The following ETNK1 variants were observed in gnomAD, a reference collection of about 807,000 sequenced individuals.
ETNK1 encodes putative protein product of Nbla10396.
In ETNK1, 8 loss-of-function variants were observed where a neutral mutation model predicts 45.1. That is an observed-to-expected ratio of 0.18 (90% confidence interval 0.10 to 0.32). The LOEUF is 0.32. ETNK1 is among the 10% of genes least tolerant of loss of function. ETNK1 has a pLI of 1.00. For missense variants in ETNK1, 302 were observed against 430.6 expected, an observed-to-expected ratio of 0.70 and a Z score of 2.64; for synonymous variants, 152 against 151.9, an observed-to-expected ratio of 1.00 and a Z score of -0.01.
chr12:22,656,037 A>G (rs769642369), intron 2 of ETNK1, among the ~76,000 whole-genome samples: 1 of 152,204 alleles, frequency 6.6e-6, no homozygotes, highest in Non-Finnish European at 1.5e-5. Flanking sequence ...ATTAGTTAAT[A>G]CTTTCTCTTC....
chr12:22,651,916 C>A (rs938369544), intron 2 of ETNK1, among the ~76,000 whole-genome samples: 2 of 152,042 alleles, frequency 1.3e-5, no homozygotes, highest in Non-Finnish European at 2.9e-5. Context: ...GAACTCCAGA[C>A]CTCAGGTGAT....
intron 1 of ETNK1, among the ~76,000 whole-genome samples, chr12:22,628,744 CTA>C (rs1953536800): frequency 6.6e-6 from 1 of 152,042 alleles, no homozygotes; most frequent in Non-Finnish European, 1.5e-5. Flanking sequence ...TAACTTGTCA[CTA>C]TGAATTTTTC....
intron 2 of ETNK1, among the ~76,000 whole-genome samples, chr12:22,649,731 A>G (rs1026287740): frequency 1.3e-5 from 2 of 152,098 alleles, no homozygotes; most frequent in East Asian, 1.9e-4. Context: ...TAGTTTTTAC[A>G]TTTTAAAATG....
At chr12:22,625,932 G>C (rs2137505614) in intron 1 of ETNK1, 1 of 554,560 alleles carries the variant, frequency 1.8e-6, no homozygotes, top group East Asian at 4.3e-5. Flanking sequence ...CCCCTTGCAC[G>C]GGGTCCTCGT....
Position 22,671,288 on chromosome 12 carries a change from T to C in ETNK1, c.717T>C (p.Ile239=), listed in dbSNP as rs1268041482. The C allele has an allele frequency of 2.5e-6, 4 of 1,608,950 alleles. No individual in the cohort carries two copies. Among genetic ancestry groups the C allele is most frequent in the Non-Finnish European group, 3.4e-6 (4 of 1,175,752 alleles). Residue 239 remains isoleucine, a synonymous_variant, in exon 5 of 8, where the codon ATT becomes ATC. Coordinates refer to ENST00000266517, the MANE Select transcript of ETNK1 (RefSeq NM_018638.5). The stretch of plus-strand genomic sequence containing the variant: ...CTCACATAGGTGATGTACAGTTCAT[T>C]GATTATGAATATTCTGGATACAACT... ...YNEKQGDVQF[I]DYEYSGYNYL...
intron 6 of ETNK1, among the ~76,000 whole-genome samples, chr12:22,678,313 A>G (rs1257085870): frequency 1.3e-5 from 2 of 152,252 alleles, no homozygotes; most frequent in African/African-American, 2.4e-5. Flanking sequence ...AAAGAAAATC[A>G]GGTAAGGCTT....
intron 1 of ETNK1, among the ~76,000 whole-genome samples, chr12:22,637,916 G>C (rs190724722): frequency 6.6e-6 from 1 of 152,232 alleles, no homozygotes; most frequent in Admixed American, 6.5e-5. Context: ...AGTCTTATAA[G>C]AAGTCTCAGA....
intron 1 of ETNK1, among the ~76,000 whole-genome samples, chr12:22,634,586 T>G (rs1014835698): frequency 6.6e-6 from 1 of 152,228 alleles, no homozygotes. Flanking sequence ...GTATTAATCT[T>G]TTCAAAGAAC....
At chr12:22,678,529 G>T (rs4963827) in intron 6 of ETNK1, among the ~76,000 whole-genome samples, 2 of 151,996 alleles carry the variant, frequency 1.3e-5, no homozygotes, top group African/African-American at 4.8e-5. Context: ...TACAAAGATA[G>T]TTTTTTCCCC....
At chr12:22,667,787 A>G (rs1954068422) in intron 4 of ETNK1, among the ~76,000 whole-genome samples, 1 of 152,200 alleles carries the variant, frequency 6.6e-6, no homozygotes, top group South Asian at 2.1e-4. Flanking sequence ...GAATTCAGAC[A>G]AACATGTCAT....
chr12:22,672,411 A>ACTGGGAAATACT, intron 5 of ETNK1, among the ~76,000 whole-genome samples: 1 of 152,166 alleles, frequency 6.6e-6, no homozygotes, highest in Admixed American at 6.5e-5. Context: ...AGATTACCAG[A>ACTGGGAAATACT]CTGGGAAATA....
intron 2 of ETNK1, among the ~76,000 whole-genome samples, chr12:22,644,755 T>A (rs1953785208): frequency 6.6e-6 from 1 of 152,006 alleles, no homozygotes; most frequent in Non-Finnish European, 1.5e-5. Context: ...ATCATTGTGA[T>A]GAAATTATCA....
chr12:22,684,414 A>C, intron 6 of ETNK1, 69 bp from the exon 7 acceptor site: 1 of 1,037,320 alleles, frequency 9.6e-7, no homozygotes, highest in Non-Finnish European at 1.5e-6. Flanking sequence ...GGATAGAATT[A>C]GCAATTCATA....
chr12:22,636,473 C>G (rs1463414221), intron 1 of ETNK1, among the ~76,000 whole-genome samples: 1 of 152,102 alleles, frequency 6.6e-6, no homozygotes, highest in Non-Finnish European at 1.5e-5. Context: ...TTTATATCTT[C>G]TTGGTGGATC....
chr12:22,664,412 T>C (rs1178974098), intron 4 of ETNK1, among the ~76,000 whole-genome samples: 1 of 151,954 alleles, frequency 6.6e-6, no homozygotes, highest in Non-Finnish European at 1.5e-5. Flanking sequence ...AGAGATTAAT[T>C]TAGATTAATT....
chr12:22,644,202 T>C (rs1953776568), intron 2 of ETNK1, 180 bp downstream of exon 2: 2 of 1,586,254 alleles, frequency 1.3e-6, no homozygotes, highest in South Asian at 2.4e-5. Flanking sequence ...AATTTCTTTA[T>C]ATTTGCAGTT....
Position 22,625,543 on chromosome 12 carries a change from A to T in ETNK1, c.113A>T (p.Gln38Leu). The T allele has an allele frequency of 6.2e-7, 1 of 1,604,938 alleles. No individual in the cohort carries two copies. Among genetic ancestry groups the T allele is most frequent in the Non-Finnish European group, 8.5e-7 (1 of 1,176,342 alleles). ...CGGGAGGGGGCCCTGAGCCTCCTGC[A>T]ACACCTGCGGCCTCACTGGGACCCC... Reference protein sequence around the residue: ...RCREGALSLLQHLRPHWDPQE... With the variant: ...RCREGALSLLLHLRPHWDPQE... The change falls in exon 1 of 8, where the codon CAA becomes CTA. Residue 38 changes from glutamine to leucine, a missense_variant. By Grantham distance (113) the Gln-to-Leu change is moderately radical (BLOSUM62 -2). This residue lies in a region of ETNK1 where 205 missense variants were observed against 259.9 expected (regional missense o/e 0.79). Coordinates refer to ENST00000266517, the MANE Select transcript of ETNK1 (RefSeq NM_018638.5).
At chr12:22,627,573 A>G (rs1953519127) in intron 1 of ETNK1, among the ~76,000 whole-genome samples, 1 of 152,126 alleles carries the variant, frequency 6.6e-6, no homozygotes, top group Admixed American at 6.5e-5. Flanking sequence ...CACTACTTTC[A>G]TAATGGTTCA....
rs918231139 is a variant in ETNK1, at chr12:22,690,574, C to T, written c.*5620C>T. ...TATTTCTGTTAATAAGGCTTTTTAC[C>T]ATTGATTAAATGAAGGAATGTATCT... On this transcript the variant is annotated 3_prime_UTR_variant, in exon 8 of 8. Transcript: ENST00000266517. 2.0e-5 allele frequency: 3 copies of T among 152,326 alleles called. No homozygotes were observed. Among genetic ancestry groups the T allele is most frequent in the Non-Finnish European group, 4.4e-5 (3 of 67,890 alleles). 9.4% of individuals were successfully genotyped at this position (152,326 alleles called of 1,614,324 possible). A position where few individuals can be genotyped will look rare whatever the true frequency, so the allele number is the denominator to read the frequency against.
Sources: gnomAD v4.1 joint callset for allele counts (sites outside exome capture counted in the v4.1 genomes callset) on GRCh38, gnomAD v4.1.1 for gene constraint, gnomAD v4.1.1 regional missense constraint, MANE v1.5 for transcripts, NCBI Gene and HGNC (gene_info 2026-07-23, HGNC 2026-07-21) for gene names.